Variants in DIP2B observed in about 807,000 individuals in gnomAD.
DIP2B encodes DIP2 acetate--CoA ligase B (putative).
A neutral mutation model predicts 198.0 loss-of-function variants in DIP2B; 76 were observed. The ratio of observed to expected loss-of-function variants is 0.38; its 90% CI spans 0.32 to 0.46. The LOEUF is 0.46. Ranked by LOEUF, DIP2B falls within the 20% of genes least tolerant of loss-of-function variation. DIP2B has a pLI of 0.99. For missense variants in DIP2B, 1,559 were observed against 1,978.4 expected, an observed-to-expected ratio of 0.79 and a Z score of 4.02; for synonymous variants, 701 against 739.1, an observed-to-expected ratio of 0.95 and a Z score of 0.84.
chr12:50,601,634 G>A (rs908752056), intron 1 of DIP2B, among the ~76,000 whole-genome samples: 6 of 151,958 alleles, frequency 3.9e-5, no homozygotes, highest in Non-Finnish European at 7.4e-5. Context: ...CACCGCGCCC[G>A]GCAGCTTTTT....
chr12:50,704,298 C>G, intron 20 of DIP2B, 78 bp downstream of exon 20: 1 of 1,411,058 alleles, frequency 7.1e-7, no homozygotes, highest in Non-Finnish European at 9.8e-7. Flanking sequence ...AGAACAAATT[C>G]TGATTAGTCC....
intron 32 of DIP2B, among the ~76,000 whole-genome samples, chr12:50,733,131 C>T (rs1156363480): frequency 2.0e-5 from 3 of 152,052 alleles, no homozygotes; most frequent in Non-Finnish European, 2.9e-5. Flanking sequence ...GTCTCAAACT[C>T]CTGACCTCAA....
intron 1 of DIP2B, among the ~76,000 whole-genome samples, chr12:50,562,322 G>C (rs1211472035): frequency 6.6e-6 from 1 of 152,000 alleles, no homozygotes; most frequent in Admixed American, 6.6e-5. Flanking sequence ...AGGTTATTTA[G>C]GTCTCTTCCG....
At chr12:50,646,149 A>C (rs1386580545) in intron 3 of DIP2B, among the ~76,000 whole-genome samples, 5 of 151,990 alleles carry the variant, frequency 3.3e-5, no homozygotes, top group Non-Finnish European at 5.9e-5. Flanking sequence ...TTTGAGACGG[A>C]GTCTCACTCT....
intron 3 of DIP2B, among the ~76,000 whole-genome samples, chr12:50,648,211 A>G (rs1397713819): frequency 4.6e-5 from 7 of 152,228 alleles, no homozygotes. Flanking sequence ...GAAAGATGAG[A>G]AAACAAATGT....
In DIP2B at chr12:50,640,833, G is replaced by C; in HGVS notation, c.282G>C (p.Arg94Ser). Residue 94 changes from arginine (R) to serine (S), a missense_variant, in exon 3 of 38, where the codon AGG becomes AGC. Arg to Ser is a moderately radical substitution (Grantham distance 110, BLOSUM62 -1). Coordinates refer to ENST00000301180, the MANE Select transcript of DIP2B (RefSeq NM_173602.3). ...KYHRTRSGGA[R>S]DERYRSDIHT... ...ACCGAACTCGATCTGGGGGAGCCAG[G>C]GATGAACGATATCGATCAGGTGAGG... 6.2e-7 allele frequency: 1 copy of C among 1,613,816 alleles called. No homozygotes were observed. The highest frequency in any genetic ancestry group is 8.5e-7 in the Non-Finnish European group (1 of 1,179,794).
chr12:50,680,900 G>A, intron 9 of DIP2B, 137 bp downstream of exon 9: 1 of 870,316 alleles, frequency 1.1e-6, no homozygotes, highest in Non-Finnish European at 1.8e-6. Context: ...AAAATGGTTT[G>A]GTTCCAACGC....
intron 1 of DIP2B, among the ~76,000 whole-genome samples, chr12:50,533,565 G>A (rs995422814): frequency 6.6e-6 from 1 of 151,896 alleles, no homozygotes. Flanking sequence ...AGGAAGTTGT[G>A]GATTCTAACC....
chr12:50,573,676 C>A (rs1958634641), intron 1 of DIP2B, among the ~76,000 whole-genome samples: 1 of 152,188 alleles, frequency 6.6e-6, no homozygotes, highest in African/African-American at 2.4e-5. Context: ...TTCAAACAGA[C>A]AGAACCCAGA....
At chr12:50,569,119 T>A (rs774975982) in intron 1 of DIP2B, among the ~76,000 whole-genome samples, 1 of 152,090 alleles carries the variant, frequency 6.6e-6, no homozygotes, top group South Asian at 2.1e-4. Flanking sequence ...CACAGCTCTT[T>A]TTAATGCATG....
In DIP2B at chr12:50,708,512, C is replaced by T. The variant is rs377032633; in HGVS notation, c.2599C>T (p.Pro867Ser). Reference sequence around the variant, plus strand: ...CATTGTGGTGGTTGCGGAACAAAGACCTGATGCTTCTGAGGAAGATAGTTT... The same window carrying T: ...CATTGTGGTGGTTGCGGAACAAAGATCTGATGCTTCTGAGGAAGATAGTTT... ...ERIVVVAEQRPDASEEDSFQW... is the reference protein window; with the variant it reads ...ERIVVVAEQRSDASEEDSFQW... The change falls in exon 22 of 38, where the codon CCT (proline) becomes TCT (serine). Residue 867 changes from proline (P) to serine (S), a missense_variant. Pro to Ser is a moderately conservative substitution (Grantham distance 74). Coordinates refer to ENST00000301180, the MANE Select transcript of DIP2B (RefSeq NM_173602.3). 74 of 1,607,654 alleles carry T rather than the reference C, an allele frequency of 4.6e-5. No homozygotes were observed. The highest frequency in any genetic ancestry group is 5.5e-5 in the Non-Finnish European group (65 of 1,176,838).
At chr12:50,654,990 C>T (rs1176380898) in intron 3 of DIP2B, 5 of 448,288 alleles carry the variant, frequency 1.1e-5, no homozygotes, top group Admixed American at 2.4e-5. Context: ...AAATTTAACA[C>T]GTATTTGCTT....
chr12:50,576,511 C>T (rs1190419776), intron 1 of DIP2B, among the ~76,000 whole-genome samples: 1 of 148,834 alleles, frequency 6.7e-6, no homozygotes, highest in Non-Finnish European at 1.5e-5. Flanking sequence ...CCAAGTCTCG[C>T]TCTGTCGCCC....
intron 1 of DIP2B, among the ~76,000 whole-genome samples, chr12:50,599,922 G>C (rs1348658692): frequency 1.3e-5 from 2 of 152,136 alleles, no homozygotes; most frequent in African/African-American, 4.8e-5. Context: ...TGTAATTTAT[G>C]ACAACAGTTC....
chr12:50,542,209 A>G (rs1958332292), intron 1 of DIP2B, among the ~76,000 whole-genome samples: 1 of 149,220 alleles, frequency 6.7e-6, no homozygotes, highest in Non-Finnish European at 1.5e-5. Flanking sequence ...GATTTGGGCC[A>G]CTGCACTCCA....
At chr12:50,663,354 C>T (rs957247528) in intron 4 of DIP2B, among the ~76,000 whole-genome samples, 5 of 150,374 alleles carry the variant, frequency 3.3e-5, no homozygotes, top group Non-Finnish European at 7.4e-5. Context: ...GTCAGGAGAT[C>T]GAGACCATCC....
chr12:50,539,337 G>A (rs545970491), intron 1 of DIP2B, among the ~76,000 whole-genome samples: 6 of 151,220 alleles, frequency 4.0e-5, no homozygotes, highest in Non-Finnish European at 5.9e-5. Flanking sequence ...TATATAAAGT[G>A]TATGCACAGG....
At position 50,627,549 on chromosome 12, in the gene DIP2B, G is replaced by T. The variant is rs556270475; in HGVS notation, c.172+1502G>T. Among the ~76,000 whole-genome samples the T allele has an allele frequency of 2.0e-5, 3 of 152,272 alleles. No homozygotes were observed. In the South Asian group the frequency reaches 6.2e-4, roughly 32 times the overall value. On this transcript the variant is annotated intron_variant, in intron 2 of 37. Transcript: ENST00000301180. ...TCACTTTATTGCCCAGGCTGGTCTT[G>T]AACTCCTGAGCTCAAGTAGTACTGC...
chr12:50,742,797 G>A (rs1031271365), intron 37 of DIP2B, among the ~76,000 whole-genome samples: 1 of 152,030 alleles, frequency 6.6e-6, no homozygotes, highest in Admixed American at 6.6e-5. Context: ...TCGGGAGGCT[G>A]AGGCAGGAAA....
Sources: gnomAD v4.1 joint callset for allele counts (sites outside exome capture counted in the v4.1 genomes callset) on GRCh38, gnomAD v4.1.1 for gene constraint, MANE v1.5 for transcripts, NCBI Gene and HGNC (gene_info 2026-07-23, HGNC 2026-07-21) for gene names.